CNTNAP1: variants seen among roughly 807,000 people sequenced by gnomAD.
CNTNAP1 encodes the protein contactin associated protein 1, also known as contactin-associated protein 1.
Under a neutral mutation model 161.5 loss-of-function variants are expected in CNTNAP1, and 80 were observed. The ratio of observed to expected loss-of-function variants is 0.50; its 90% CI spans 0.41 to 0.60. The LOEUF is 0.60. CNTNAP1 is among the 20% of genes least tolerant of loss of function. The pLI, the probability that CNTNAP1 is intolerant of heterozygous loss-of-function variation, is 0.00. For missense variants in CNTNAP1, 1,464 were observed against 1,854.8 expected, an observed-to-expected ratio of 0.79 and a Z score of 3.87; for synonymous variants, 695 against 733.1, an observed-to-expected ratio of 0.95 and a Z score of 0.84.
Position 42,698,507 on chromosome 17 carries a change from T to G in CNTNAP1, c.3863-111T>G, listed in dbSNP as rs112558151. 1.1e-4 allele frequency: 91 copies of G among 855,220 alleles called. No homozygotes were observed. In the African/African-American group the frequency reaches 1.2e-3, roughly 11 times the overall value. 53.0% of individuals were successfully genotyped at this position (855,220 alleles called of 1,614,324 possible). A position where few individuals can be genotyped will look rare whatever the true frequency, so the allele number is the denominator to read the frequency against. ...CAGGTGAAATCCCAAAGTGTGTGTA[T>G]GTATACAGGTGAAATCTCAAAGAGT... On this transcript the variant is annotated intron_variant, in intron 23 of 23. Coordinates refer to ENST00000264638, the MANE Select transcript of CNTNAP1 (RefSeq NM_003632.3).
chr17:42,692,954 TTTTC>T (rs1251554804), intron 17 of CNTNAP1, among the ~76,000 whole-genome samples: 4 of 150,466 alleles, frequency 2.7e-5, no homozygotes, highest in African/African-American at 9.9e-5. Flanking sequence ...CCTCCATTTC[TTTTC>T]TTTTTTTTTT....
Position 42,687,691 on chromosome 17 carries a change from T to C in CNTNAP1, c.1045-29T>C. 1.9e-6 allele frequency: 3 copies of C among 1,608,206 alleles called. No homozygotes were observed. The highest frequency in any genetic ancestry group is 4.5e-5 in the East Asian group (2 of 44,750). On this transcript the variant is annotated intron_variant, in intron 7 of 23. Transcript: ENST00000264638. This position sits in a 1 kb window ranked among gnomAD's most constrained non-coding sequence, Gnocchi z 4.7. ...AGCTGAGGCAGAGGCGGCTCACGGG[T>C]GTTGATGCGTCTTCACTTTTGCCCC...
Position 42,683,896 on chromosome 17 carries a change from C to T in CNTNAP1, c.143C>T (p.Thr48Ile). 6.2e-7 allele frequency: 1 copy of T among 1,613,762 alleles called. No homozygotes were observed. Residue 48 changes from threonine (T) to isoleucine (I), a missense_variant, in exon 2 of 24, where the codon ACT (threonine) becomes ATT (isoleucine). Around this residue, in one of 3 missense-constraint regions of CNTNAP1, gnomAD observed 77 missense variants for 73.6 expected, o/e 1.05. Transcript: ENST00000264638. ...LGASSYYSLL[T>I]APRFARLHGI... ...GCCTCCTCCTACTACAGTCTCCTTACTGCGCCGAGATTCGCCAGGCTGCAC... is the reference window on the plus strand; with the variant it reads ...GCCTCCTCCTACTACAGTCTCCTTATTGCGCCGAGATTCGCCAGGCTGCAC...
intron 1 of CNTNAP1, chr17:42,683,461 C>T (rs1425509292): frequency 8.9e-7 from 1 of 1,124,834 alleles, no homozygotes; most frequent in African/African-American, 1.6e-5. Context: ...TGGATTGAGG[C>T]TAGGGTTGGA....
chr17:42,693,933 C>T (rs951627887), intron 18 of CNTNAP1, among the ~76,000 whole-genome samples: 6 of 152,008 alleles, frequency 3.9e-5, no homozygotes, highest in African/African-American at 9.7e-5. Flanking sequence ...GGCACGATCT[C>T]GGCTCACTGC....
Position 42,691,253 on chromosome 17 carries a change from C to A in CNTNAP1, c.2176C>A (p.Pro726Thr). ...TGGTCTGGACCGGAGCTGTGTGGAC[C>A]CTGCCTTGTACTGCAACTGTGACGC... is the stretch of plus-strand genomic sequence containing the variant. ...ACGLDRSCVD[P>T]ALYCNCDADQ... Residue 726 changes from proline to threonine, a missense_variant, in exon 14 of 24, where the codon CCT (proline) becomes ACT (threonine). Pro to Thr is a conservative substitution (Grantham distance 38, BLOSUM62 -1). Coordinates refer to ENST00000264638, the MANE Select transcript of CNTNAP1 (RefSeq NM_003632.3). The surrounding 1 kb of genome is among the most constrained non-coding windows in gnomAD (Gnocchi z 4.3). 6.2e-7 allele frequency: 1 copy of A among 1,614,172 alleles called. No individual in the cohort carries two copies. Among genetic ancestry groups the A allele is most frequent in the Non-Finnish European group, 8.5e-7 (1 of 1,180,026 alleles).
chr17:42,697,859 A>G (rs758557012), intron 22 of CNTNAP1, 44 bp from the exon 23 acceptor site: 1 of 1,614,154 alleles, frequency 6.2e-7, no homozygotes, highest in East Asian at 2.2e-5. Flanking sequence ...AATGATTCTT[A>G]ACATGGAGGA....
intron 19 of CNTNAP1, 40 bp downstream of exon 19, chr17:42,695,914 C>T (rs1181162797): frequency 8.1e-6 from 13 of 1,597,602 alleles, no homozygotes; most frequent in African/African-American, 1.3e-5. Context: ...TCCAGCTTCA[C>T]CCCGGTGCCC....
intron 18 of CNTNAP1, among the ~76,000 whole-genome samples, chr17:42,694,470 C>T (rs2053129384): frequency 6.6e-6 from 1 of 152,060 alleles, no homozygotes; most frequent in Non-Finnish European, 1.5e-5. Context: ...CAGCGCCTGG[C>T]AAAATTTTTT....
In CNTNAP1 at chr17:42,689,026, A is replaced by G; in HGVS notation, c.1607A>G (p.Asp536Gly). The part of the protein sequence containing the change: ...RLGFYAEVLF[D>G]TCGITDRCSP... ...GGATTCTATGCTGAGGTCCTCTTTG[A>G]TACATGTGGCATCACTGATAGGTAC... Residue 536 changes from aspartate (D) to glycine (G), a missense_variant, in exon 10 of 24, where the codon GAT (aspartate) becomes GGT (glycine). Transcript: ENST00000264638. The G allele has an allele frequency of 6.3e-7, 1 of 1,595,864 alleles. No homozygotes were observed. Among genetic ancestry groups the G allele is most frequent in the Non-Finnish European group, 8.5e-7 (1 of 1,169,736 alleles).
intron 23 of CNTNAP1, 50 bp downstream of exon 23, chr17:42,698,000 G>A: frequency 6.2e-7 from 1 of 1,602,478 alleles, no homozygotes; most frequent in Non-Finnish European, 8.6e-7. Context: ...CCCTCTGACT[G>A]TCAGCATCCT....
chr17:42,691,654 C>T lies in CNTNAP1; in HGVS notation c.2344+143C>T, dbSNP rs1401402504. On this transcript the variant is annotated intron_variant, in intron 15 of 23. Coordinates refer to ENST00000264638, the MANE Select transcript of CNTNAP1 (RefSeq NM_003632.3). The surrounding 1 kb of genome is among the most constrained non-coding windows in gnomAD (Gnocchi z 4.3). ...GATGCGATCTCATTACCCCTCTGCA[C>T]CTGGCTCCTCTTTCATTCCACTCCT... The T allele has an allele frequency of 8.7e-6, 12 of 1,376,312 alleles. No homozygotes were observed. Among genetic ancestry groups the T allele is most frequent in the African/African-American group, 1.4e-5 (1 of 69,672 alleles). The allele number at this position is 1,376,312 out of a possible 1,614,324, so 85.3% of individuals were successfully genotyped here. A position where few individuals can be genotyped will look rare whatever the true frequency, so the allele number is the denominator to read the frequency against.
At position 42,685,557 on chromosome 17, in the gene CNTNAP1, C is replaced by T. The variant is rs1597804351; in HGVS notation, c.715+137C>T. 6.2e-6 allele frequency: 5 copies of T among 805,278 alleles called. No homozygotes were observed. The East Asian group carries it at 1.3e-4, about 22-fold the overall frequency. 49.9% of individuals were successfully genotyped at this position (805,278 alleles called of 1,614,324 possible). ...AAGGCCTGGACCAAACTGCCCCTTT[C>T]TTGTAGCATTTGGTGCTAGCAAAAC... is the stretch of plus-strand genomic sequence containing the variant. On this transcript the variant is annotated intron_variant, in intron 5 of 23. Coordinates refer to ENST00000264638, the MANE Select transcript of CNTNAP1 (RefSeq NM_003632.3). This position sits in a 1 kb window ranked among gnomAD's most constrained non-coding sequence, Gnocchi z 5.0.
In CNTNAP1 at chr17:42,682,986, G is replaced by A. The variant is rs2052956309; in HGVS notation, c.67+90G>A. 4 of 1,266,748 alleles carry A rather than the reference G, an allele frequency of 3.2e-6. No homozygotes were observed. The South Asian group carries it at 4.3e-5, about 14-fold the overall frequency. 78.5% of individuals were successfully genotyped at this position (1,266,748 alleles called of 1,614,324 possible). A position where few individuals can be genotyped will look rare whatever the true frequency, so the allele number is the denominator to read the frequency against. ...CGAACCGCATTGCGGCTGGGTGGTCGCGGGTCCTTCCCGGCCGGCGCGCGC... is the reference window on the plus strand; with the variant it reads ...CGAACCGCATTGCGGCTGGGTGGTCACGGGTCCTTCCCGGCCGGCGCGCGC... On this transcript the variant is annotated intron_variant, in intron 1 of 23. Coordinates refer to ENST00000264638, the MANE Select transcript of CNTNAP1 (RefSeq NM_003632.3).
Position 42,691,129 on chromosome 17 carries a change from T to A in CNTNAP1, c.2060-8T>A, listed in dbSNP as rs1391014359. On this transcript the variant is annotated splice_region_variant and splice_polypyrimidine_tract_variant and intron_variant, in intron 13 of 23. Transcript: ENST00000264638. This position sits in a 1 kb window ranked among gnomAD's most constrained non-coding sequence, Gnocchi z 4.3. ...AGGGCCTGGAAGCTGCCTGCACCTC[T>A]TCCCCAGGAGGCTACCCCTACAGCT... 1 of 1,613,370 alleles carries A rather than the reference T, an allele frequency of 6.2e-7. No individual in the cohort carries two copies. The highest frequency in any genetic ancestry group is 2.2e-5 in the East Asian group (1 of 44,882).
intron 1 of CNTNAP1, chr17:42,683,484 T>G: frequency 8.7e-7 from 1 of 1,155,918 alleles, no homozygotes. Flanking sequence ...TGGATTGGTG[T>G]CTTGGGTTGA....
rs766253072 is a variant in CNTNAP1 at position 42,695,768 on chromosome 17, G to A, written c.3240G>A (p.Thr1080=). ...ACCGTGGGCCTGTCTACAACGTTAC[G>A]GGAGAGGAGGTCTCCTTCAGCTTCA... ...PGYRGPVYNV[T]GEEVSFSFST... The change falls in exon 19 of 24, where the codon ACG becomes ACA. Residue 1080 remains threonine (T), a synonymous_variant. Coordinates refer to ENST00000264638, the MANE Select transcript of CNTNAP1 (RefSeq NM_003632.3). The A allele has an allele frequency of 4.0e-5, 65 of 1,614,072 alleles. 1 individual carries two copies. Among genetic ancestry groups the A allele is most frequent in the Admixed American group, 1.0e-4 (6 of 60,006 alleles).
intron 16 of CNTNAP1, 58 bp downstream of exon 16, chr17:42,692,049 CAG>C (rs1597808818): frequency 1.6e-5 from 25 of 1,565,278 alleles, no homozygotes; most frequent in African/African-American, 2.7e-5. Context: ...TCTGGGGAGA[CAG>C]GGGTAGGCTG....
In CNTNAP1 at chr17:42,693,444, CCT is replaced by C. The variant is rs751050956; in HGVS notation, c.2901_2902del (p.Cys968PhefsTer11). The C allele has an allele frequency of 2.2e-5, 35 of 1,614,120 alleles. No individual in the cohort carries two copies. The highest frequency in any genetic ancestry group is 8.9e-5 in the East Asian group (4 of 44,888). ...GGCCACTGTGCCCACCCTCGGCTCC[CCT>C]GTTTCCATGGAGGCCGCTGCGTGGA... On this transcript the variant is annotated frameshift_variant, in exon 18 of 24. Transcript: ENST00000264638. LOFTEE classifies it high-confidence loss of function.
Sources: gnomAD v4.1 joint callset for allele counts (sites outside exome capture counted in the v4.1 genomes callset) on GRCh38, gnomAD v4.1.1 for gene constraint, gnomAD v4.1.1 regional missense constraint, Gnocchi (gnomAD v3.1) non-coding constraint, MANE v1.5 for transcripts, NCBI Gene and HGNC (gene_info 2026-07-23, HGNC 2026-07-21) for gene names.